GDA: variants seen among roughly 807,000 people sequenced by gnomAD.
The protein encoded by GDA is cytoplasmic PSD-95 interactor.
A neutral mutation model predicts 59.6 loss-of-function variants in GDA; 18 were observed. The ratio of observed to expected loss-of-function variants is 0.30; its 90% confidence interval spans 0.21 to 0.45. The LOEUF (loss-of-function observed/expected upper bound fraction) is 0.45. GDA is among the 20% of genes least tolerant of loss of function. GDA has a pLI of 1.00. For synonymous variants in GDA, 201 were observed against 201.1 expected (o/e 1.00, Z 0.00); for missense variants, 427 against 552.3 (o/e 0.77, Z 2.27).
intron 1 of GDA, among the ~76,000 whole-genome samples, chr9:72,131,271 G>A (rs985387570): frequency 1.3e-5 from 2 of 152,164 alleles, no homozygotes; most frequent in Non-Finnish European, 2.9e-5. Context: ...GGTCTGCTAT[G>A]CCAAAAGCAT....
At chr9:72,129,242 C>T (rs151259440) in intron 1 of GDA, among the ~76,000 whole-genome samples, 8 of 152,236 alleles carry the variant, frequency 5.3e-5, no homozygotes, top group African/African-American at 7.2e-5. Context: ...GGATTACAGG[C>T]GTGAGCCACT....
At chr9:72,133,459 A>G (rs760798689) in intron 1 of GDA, among the ~76,000 whole-genome samples, 2 of 152,198 alleles carry the variant, frequency 1.3e-5, no homozygotes, top group South Asian at 2.1e-4. Context: ...AAAATCAGCA[A>G]TGTGAATGGT....
At chr9:72,137,957 C>G (rs1454040089) in intron 1 of GDA, among the ~76,000 whole-genome samples, 1 of 152,174 alleles carries the variant, frequency 6.6e-6, no homozygotes, top group Non-Finnish European at 1.5e-5. Context: ...GCCACACTCT[C>G]TTACAGACTG....
downstream of GDA, among the ~76,000 whole-genome samples, chr9:72,256,136 A>C (rs879685769): frequency 2.0e-5 from 3 of 152,240 alleles, no homozygotes; most frequent in Admixed American, 2.0e-4. Flanking sequence ...TACTTAAAAA[A>C]GGTTAATTAG....
At chr9:72,235,385 T>C in intron 10 of GDA, among the ~76,000 whole-genome samples, 1 of 152,238 alleles carries the variant, frequency 6.6e-6, no homozygotes, top group South Asian at 2.1e-4. Flanking sequence ...AAAAATAATA[T>C]ATGCTCTGCC....
chr9:72,162,540 A>G (rs1828761242), intron 1 of GDA, among the ~76,000 whole-genome samples: 1 of 152,148 alleles, frequency 6.6e-6, no homozygotes, highest in East Asian at 1.9e-4. Flanking sequence ...GTGGCAAAGA[A>G]TGGAGGAGGA....
At chr9:72,197,959 G>GACAA (rs1423216282) in intron 2 of GDA, among the ~76,000 whole-genome samples, 10 of 152,278 alleles carry the variant, frequency 6.6e-5, no homozygotes, top group African/African-American at 2.4e-4. Flanking sequence ...GGTGGCCATG[G>GACAA]ACCCTGGACA....
At chr9:72,223,549 T>C (rs1186646514) in intron 7 of GDA, among the ~76,000 whole-genome samples, 1 of 152,236 alleles carries the variant, frequency 6.6e-6, no homozygotes, top group African/African-American at 2.4e-5. Flanking sequence ...AGGATACATT[T>C]AATGCATTTA....
chr9:72,133,287 TAAA>T (rs1257876460), intron 1 of GDA, among the ~76,000 whole-genome samples: 57 of 95,522 alleles, frequency 6.0e-4, no homozygotes, highest in Non-Finnish European at 1.0e-3. Flanking sequence ...AGACTCTGTC[TAAA>T]AAAAAAAAAA....
At chr9:72,202,503 G>A in intron 2 of GDA, 68 bp from the exon 3 acceptor site, 1 of 1,081,780 alleles carries the variant, frequency 9.2e-7, no homozygotes, top group Non-Finnish European at 1.4e-6. Context: ...GGGAAAAAAT[G>A]TGATTTAAAA....
intron 1 of GDA, among the ~76,000 whole-genome samples, chr9:72,177,805 G>A (rs1050206479): frequency 6.6e-6 from 1 of 152,160 alleles, no homozygotes; most frequent in African/African-American, 2.4e-5. Context: ...TCATTTCCTT[G>A]GAGATACCTT....
intron 1 of GDA, among the ~76,000 whole-genome samples, chr9:72,131,827 C>A (rs549394592): frequency 2.0e-5 from 3 of 152,280 alleles, no homozygotes; most frequent in African/African-American, 7.2e-5. Context: ...AAGAACTATA[C>A]CCCTTTATAT....
intron 1 of GDA, among the ~76,000 whole-genome samples, chr9:72,159,201 C>CTG (rs1328010368): frequency 6.6e-6 from 1 of 152,152 alleles, no homozygotes; most frequent in African/African-American, 2.4e-5. Flanking sequence ...CAAGACCAGC[C>CTG]TGGCCAACAT....
intron 1 of GDA, among the ~76,000 whole-genome samples, chr9:72,119,231 G>A (rs367715863): frequency 3.9e-5 from 6 of 152,264 alleles, no homozygotes; most frequent in African/African-American, 1.2e-4. Context: ...TGGGCCAGGC[G>A]CAGCGGCTCA....
chr9:72,118,766 A>T (rs1160952782), intron 1 of GDA, among the ~76,000 whole-genome samples: 1 of 152,200 alleles, frequency 6.6e-6, no homozygotes, highest in Non-Finnish European at 1.5e-5. Flanking sequence ...GCATGTAAAG[A>T]AATAGGCACG....
downstream of GDA, among the ~76,000 whole-genome samples, chr9:72,255,186 A>T (rs985167720): frequency 6.6e-6 from 1 of 152,228 alleles, no homozygotes; most frequent in African/African-American, 2.4e-5. Context: ...AGCTGTATTT[A>T]TACTCACTTA....
chr9:72,175,523 AT>A (rs2131005778), intron 1 of GDA, among the ~76,000 whole-genome samples: 1 of 152,302 alleles, frequency 6.6e-6, no homozygotes, highest in South Asian at 2.1e-4. Context: ...AAATTTTCAA[AT>A]ATTTGGATCC....
intron 10 of GDA, among the ~76,000 whole-genome samples, chr9:72,240,058 A>T (rs1315342774): frequency 6.6e-6 from 1 of 152,138 alleles, no homozygotes; most frequent in Non-Finnish European, 1.5e-5. Context: ...ACTTACTTGA[A>T]ATTTATTTAT....
At chr9:72,221,798 G>A (rs961942020) in intron 6 of GDA, among the ~76,000 whole-genome samples, 2 of 152,192 alleles carry the variant, frequency 1.3e-5, no homozygotes, top group East Asian at 1.9e-4. Flanking sequence ...TTATAAGTGA[G>A]AACATGCAAT....
Sources: gnomAD v4.1 joint callset for allele counts (sites outside exome capture counted in the v4.1 genomes callset) on GRCh38, gnomAD v4.1.1 for gene constraint, MANE v1.5 for transcripts, NCBI Gene and HGNC (gene_info 2026-07-23, HGNC 2026-07-21) for gene names.